TSBP1: variants seen among roughly 807,000 people sequenced by gnomAD.
The protein encoded by TSBP1 is testis-expressed basic protein 1.
Under a neutral mutation model 68.8 loss-of-function variants are expected in TSBP1, and 56 were observed. The ratio of observed to expected loss-of-function variants is 0.81; its 90% confidence interval spans 0.66 to 1.02. The LOEUF (loss-of-function observed/expected upper bound fraction) is 1.02, where lower values mean the gene tolerates loss of function less well. Ranked by LOEUF, TSBP1 falls within the 50% of genes least tolerant of loss-of-function variation. The probability of loss-of-function intolerance (pLI) is 0.00; values close to 1 mark genes in which losing one functional copy is unlikely to be tolerated. For synonymous variants in TSBP1, 171 were observed against 208.7 expected, an observed-to-expected ratio of 0.82 and a Z score of 1.56; for missense variants, 502 against 641.2, an observed-to-expected ratio of 0.78 and a Z score of 2.34.
At chr6:32,354,616 C>T (rs1265759) in intron 8 of TSBP1, among the ~76,000 whole-genome samples, 72,416 of 151,870 alleles carry the variant, frequency 0.48, 18,594 homozygotes, top group Middle Eastern at 0.59. Context: ...TACTTAAGGA[C>T]TGTCTTTGCA....
At chr6:32,331,492 C>T (rs761095386) in intron 15 of TSBP1, among the ~76,000 whole-genome samples, 3 of 152,096 alleles carry the variant, frequency 2.0e-5, no homozygotes, top group Admixed American at 6.5e-5. Flanking sequence ...ATTTGAAGAC[C>T]TTGGTAAAAG....
chr6:32,332,249 G>A (rs1040132143), intron 14 of TSBP1, among the ~76,000 whole-genome samples, 195 bp from the exon 16 acceptor site: 3 of 152,104 alleles, frequency 2.0e-5, no homozygotes, highest in Non-Finnish European at 4.4e-5. Context: ...AGCATTTACT[G>A]CAATATTTCA....
intron 2 of TSBP1, 53 bp downstream of exon 2, chr6:32,369,844 C>G: frequency 9.3e-7 from 1 of 1,074,818 alleles, no homozygotes; most frequent in South Asian, 1.2e-5. Flanking sequence ...TCTTGGCATC[C>G]CTCCCTCCGT....
chr6:32,324,602 C>T (rs1768007147), intron 16 of TSBP1: 1 of 1,475,318 alleles, frequency 6.8e-7, no homozygotes, highest in South Asian at 1.2e-5. Context: ...GACTCTTGGA[C>T]TCCACTAGAG....
intron 14 of TSBP1, 66 bp from the exon 16 acceptor site, chr6:32,332,120 A>T: frequency 8.1e-7 from 1 of 1,241,896 alleles, no homozygotes. Flanking sequence ...CACTAATTTT[A>T]TCCTAGAAGT....
chr6:32,335,009 G>T lies in TSBP1; in HGVS notation c.472+428C>A, dbSNP rs776300713. On this transcript the variant is annotated intron_variant, in intron 14 of 22. Coordinates refer to ENST00000612031, the Ensembl canonical transcript of TSBP1. The surrounding 1 kb of genome is among the most constrained non-coding windows in gnomAD (Gnocchi z 5.5). ...AGATCATGCCACTGCACTCCAGCCC[G>T]GATGACAGAGCGAGACTCCATCTCA... is the stretch of plus-strand genomic sequence containing the variant. 6.6e-6 allele frequency among the ~76,000 whole-genome samples: 1 copy of T among 152,014 alleles called. No individual in the cohort carries two copies. Among genetic ancestry groups the T allele is most frequent in the South Asian group, 2.1e-4 (1 of 4,826 alleles).
At chr6:32,312,035 G>A (rs1345798157) in intron 19 of TSBP1, among the ~76,000 whole-genome samples, 1 of 152,182 alleles carries the variant, frequency 6.6e-6, no homozygotes, top group Non-Finnish European at 1.5e-5. Context: ...CATCTCTGCA[G>A]TACGAGCAAT....
rs1769808293 is a variant in TSBP1 at position 32,337,430 on chromosome 6, T to A, written c.410-795A>T. On this transcript the variant is annotated intron_variant, in intron 11 of 22. Transcript: ENST00000612031. The surrounding 1 kb of genome is among the most constrained non-coding windows in gnomAD (Gnocchi z 5.5). ...CATTGCCTGTCTTCCAGCTGGCTAA[T>A]TTGAACTTGCTTAGCTAGAATCTAT... 6.6e-6 allele frequency among the ~76,000 whole-genome samples: 1 copy of A among 152,136 alleles called. No homozygotes were observed. The highest frequency in any genetic ancestry group is 2.4e-5 in the African/African-American group (1 of 41,424).
At chr6:32,368,154 T>C (rs900512710) in intron 3 of TSBP1, among the ~76,000 whole-genome samples, 197 bp from the exon 4 acceptor site, 3 of 152,240 alleles carry the variant, frequency 2.0e-5, no homozygotes, top group Non-Finnish European at 4.4e-5. Context: ...TCACCAATTT[T>C]ATAATATTAG....
chr6:32,369,345 ATTC>A (rs1415188359), intron 2 of TSBP1, among the ~76,000 whole-genome samples: 1 of 136,112 alleles, frequency 7.3e-6, no homozygotes, highest in Non-Finnish European at 1.6e-5. Flanking sequence ...CTTTTAAAAT[ATTC>A]TTATTACTTT....
At chr6:32,354,248 A>C (rs1421763583) in intron 8 of TSBP1, among the ~76,000 whole-genome samples, 1 of 152,068 alleles carries the variant, frequency 6.6e-6, no homozygotes. Context: ...CAGATCAATA[A>C]CTAATAGATA....
chr6:32,358,699 A>G (rs1772630242), intron 6 of TSBP1, among the ~76,000 whole-genome samples: 1 of 128,852 alleles, frequency 7.8e-6, no homozygotes, highest in African/African-American at 2.6e-5. Context: ...TTTGCCGAGA[A>G]TGATGGTTTC....
intron 19 of TSBP1, among the ~76,000 whole-genome samples, chr6:32,305,829 A>G (rs577816695): frequency 2.0e-5 from 3 of 152,308 alleles, no homozygotes; most frequent in South Asian, 4.1e-4. Flanking sequence ...TGTATTGTCA[A>G]TAAAAACTGG....
chr6:32,366,625 G>A (rs9268371), intron 4 of TSBP1, among the ~76,000 whole-genome samples: 1 of 151,894 alleles, frequency 6.6e-6, no homozygotes. Context: ...AATTGGCCGG[G>A]CATGGTGGCA....
chr6:32,322,267 T>C (rs576360384), intron 18 of TSBP1, among the ~76,000 whole-genome samples: 90 of 152,180 alleles, frequency 5.9e-4, no homozygotes, highest in Non-Finnish European at 1.2e-3. Flanking sequence ...AAATATTGAG[T>C]CACTGTTGGT....
At position 32,319,001 on chromosome 6, in the gene TSBP1, A is replaced by G. The variant is rs146501973; in HGVS notation, c.560-3209T>C. ...TGCATCATTAAGGGACAGAGAGGAG[A>G]TATTTTCCAGAAAACATGCTTGAAG... On this transcript the variant is annotated intron_variant, in intron 18 of 22. Coordinates refer to ENST00000612031, the Ensembl canonical transcript of TSBP1. 4.1e-3 allele frequency among the ~76,000 whole-genome samples: 627 copies of G among 152,266 alleles called. 6 individuals are homozygous for G. Among genetic ancestry groups the G allele is most frequent in the Non-Finnish European group, 3.8e-3 (256 of 68,028 alleles).
chr6:32,355,768 A>C, intron 6 of TSBP1, 99 bp from the exon 7 acceptor site: 3 of 1,399,156 alleles, frequency 2.1e-6, no homozygotes, highest in African/African-American at 1.5e-5. Context: ...ACCCTCAAAT[A>C]TCCAGTTAGG....
At chr6:32,320,889 A>G (rs1343781508) in intron 18 of TSBP1, among the ~76,000 whole-genome samples, 3 of 151,862 alleles carry the variant, frequency 2.0e-5, no homozygotes, top group Non-Finnish European at 4.4e-5. Flanking sequence ...CTGTGTGTCC[A>G]TGTGTTCTCA....
chr6:32,331,725 C>T (rs1045419297), intron 15 of TSBP1, among the ~76,000 whole-genome samples: 2 of 150,896 alleles, frequency 1.3e-5, no homozygotes, highest in African/African-American at 2.4e-5. Flanking sequence ...AGACCCCTCC[C>T]GCCTATACCT....
Sources: allele counts gnomAD v4.1 joint callset (sites outside exome capture counted in the v4.1 genomes callset), GRCh38; gene constraint gnomAD v4.1.1; non-coding constraint Gnocchi (gnomAD v3.1); transcripts MANE v1.5; gene names NCBI Gene and HGNC (gene_info 2026-07-23, HGNC 2026-07-21).